Variants in TRRAP observed in about 807,000 individuals in gnomAD.
TRRAP encodes the protein transformation/transcription domain associated protein, also known as transformation/transcription domain-associated protein.
Under a neutral mutation model 438.8 loss-of-function variants are expected in TRRAP, and 41 were observed. The observed-to-expected ratio is 0.09, with a 90% confidence interval of 0.07 to 0.12. TRRAP has a LOEUF of 0.12. Among genes scored for constraint, TRRAP ranks in the 10% least tolerant of loss-of-function variants. The pLI is 1.00. For missense variants in TRRAP, 3,122 were observed against 5,055.1 expected (o/e 0.62, Z 11.60); for synonymous variants, 1,994 against 1,962.9 (o/e 1.02, Z -0.42).
chr7:98,900,375 G>T (rs1057025376), intron 10 of TRRAP, among the ~76,000 whole-genome samples: 2 of 152,174 alleles, frequency 1.3e-5, no homozygotes, highest in African/African-American at 4.8e-5. Context: ...GAACGGCCTG[G>T]CACTGGCTTT....
intron 30 of TRRAP, among the ~76,000 whole-genome samples, chr7:98,940,932 G>A (rs1199350337): frequency 1.3e-5 from 2 of 152,176 alleles, no homozygotes; most frequent in Non-Finnish European, 2.9e-5. Context: ...GCCATCAGCA[G>A]AATTTTAAGA....
intron 6 of TRRAP, 57 bp from the exon 7 acceptor site, chr7:98,895,707 A>T: frequency 7.1e-7 from 1 of 1,407,354 alleles, no homozygotes; most frequent in Non-Finnish European, 9.7e-7. Flanking sequence ...CTTATTTATT[A>T]TGGGTATTTT....
chr7:98,946,144 A>G (rs1436753159), intron 33 of TRRAP, among the ~76,000 whole-genome samples, 194 bp downstream of exon 33: 8 of 152,154 alleles, frequency 5.3e-5, no homozygotes, highest in African/African-American at 4.8e-5. Context: ...CATGTTTTCT[A>G]TTAGGATGTT....
Position 98,959,424 on chromosome 7 carries a change from G to A in TRRAP, c.6423G>A (p.Leu2141=). The A allele has an allele frequency of 6.2e-7, 1 of 1,614,058 alleles. No homozygotes were observed. Among genetic ancestry groups the A allele is most frequent in the Admixed American group, 1.7e-5 (1 of 60,012 alleles). Reference sequence around the variant, plus strand: ...GTGTGAACCTTCTGAAGACTGCGTTGCGGCCAGACATGTGGCCCAAGTCCG... The same window carrying A: ...GTGTGAACCTTCTGAAGACTGCGTTACGGCCAGACATGTGGCCCAAGTCCG... The part of the protein sequence containing the change: ...RRCVNLLKTA[L]RPDMWPKSEL... Residue 2141 remains leucine (L), a synonymous_variant, in exon 45 of 73, where the codon TTG becomes TTA. Coordinates refer to ENST00000456197, the MANE Select transcript of TRRAP (RefSeq NM_001375524.1).
At chr7:98,958,962 T>C (rs905505551) in intron 44 of TRRAP, among the ~76,000 whole-genome samples, 1 of 152,226 alleles carries the variant, frequency 6.6e-6, no homozygotes, top group African/African-American at 2.4e-5. Context: ...TAAGTTCTTA[T>C]TCCTGTTAAA....
Position 98,910,619 on chromosome 7 carries a change from C to T in TRRAP, c.1812+12C>T, listed in dbSNP as rs1406306557. 3.1e-6 allele frequency: 5 copies of T among 1,602,124 alleles called. No individual in the cohort carries two copies. The highest frequency in any genetic ancestry group is 3.4e-6 in the Non-Finnish European group (4 of 1,174,436). On this transcript the variant is annotated intron_variant, in intron 16 of 72. Coordinates refer to ENST00000456197, the MANE Select transcript of TRRAP (RefSeq NM_001375524.1). The stretch of plus-strand genomic sequence containing the variant: ...TAGATATTTATCAGGTAAGGAAGTG[C>T]CCTCCAGCCAGGCTTTCGCATATGG...
chr7:98,989,681 T>C (rs1369977457), intron 63 of TRRAP, among the ~76,000 whole-genome samples: 1 of 152,240 alleles, frequency 6.6e-6, no homozygotes, highest in Non-Finnish European at 1.5e-5. Flanking sequence ...CTTCAGTGCC[T>C]GGCTCCGGGT....
At chr7:98,955,945 G>A (rs950370616) in intron 41 of TRRAP, among the ~76,000 whole-genome samples, 3 of 152,118 alleles carry the variant, frequency 2.0e-5, no homozygotes, top group Non-Finnish European at 2.9e-5. Context: ...GGGTGGGGGA[G>A]GGTGATAAAC....
chr7:98,955,942 G>A (rs552555732), intron 41 of TRRAP, among the ~76,000 whole-genome samples: 11 of 152,280 alleles, frequency 7.2e-5, no homozygotes, highest in East Asian at 1.9e-4. Context: ...TTGGGGTGGG[G>A]GAGGGTGATA....
intron 33 of TRRAP, among the ~76,000 whole-genome samples, chr7:98,946,380 C>T (rs77046883): frequency 6.6e-6 from 1 of 152,122 alleles, no homozygotes; most frequent in African/African-American, 2.4e-5. Flanking sequence ...GTCCCACTCA[C>T]CCACCCAGTC....
intron 58 of TRRAP, among the ~76,000 whole-genome samples, chr7:98,980,019 A>G (rs1020692020): frequency 1.3e-5 from 2 of 152,208 alleles, no homozygotes; most frequent in East Asian, 1.9e-4. Context: ...GCAAAAATCT[A>G]TCTCAACTAA....
rs2116484366 is a variant in TRRAP at position 98,925,005 on chromosome 7, A to C, written c.2824-107A>C. On this transcript the variant is annotated intron_variant, in intron 21 of 72. Transcript: ENST00000456197. ...AGGCGACAGAGCGAGACTCCGTCTC[A>C]AAAAAAAAAAAAGATTCTTCTGGGT... The C allele has an allele frequency of 2.1e-5, 7 of 331,710 alleles. No homozygotes were observed. In the South Asian group the frequency reaches 5.9e-4, roughly 28 times the overall value. 20.5% of individuals were successfully genotyped at this position (331,710 alleles called of 1,614,324 possible).
At chr7:98,940,277 C>T (rs782055376) in intron 30 of TRRAP, among the ~76,000 whole-genome samples, 14 of 152,140 alleles carry the variant, frequency 9.2e-5, no homozygotes, top group Middle Eastern at 6.8e-3. Flanking sequence ...GAACCTCTGC[C>T]ACCTGGGCTC....
intron 13 of TRRAP, among the ~76,000 whole-genome samples, chr7:98,907,200 G>A (rs931797054): frequency 4.8e-4 from 73 of 152,028 alleles, no homozygotes; most frequent in Non-Finnish European, 4.9e-4. Context: ...GCGCGTGCCT[G>A]TAATCCCAAC....
At chr7:98,930,932 A>G in intron 25 of TRRAP, 102 bp downstream of exon 25, 15 of 1,437,410 alleles carry the variant, frequency 1.0e-5, no homozygotes, top group African/African-American at 1.4e-5. Flanking sequence ...TCCTAGCAGC[A>G]TGGTGACTTT....
At chr7:98,922,721 A>T (rs1789857436) in intron 21 of TRRAP, among the ~76,000 whole-genome samples, 1 of 151,960 alleles carries the variant, frequency 6.6e-6, no homozygotes, top group South Asian at 2.1e-4. Flanking sequence ...TGAGTTGGGC[A>T]TTTCAGTAAG....
intron 8 of TRRAP, 34 bp from the exon 9 acceptor site, chr7:98,899,388 G>A: frequency 6.2e-7 from 1 of 1,605,720 alleles, no homozygotes; most frequent in Non-Finnish European, 8.5e-7. Context: ...ATGCCACAAT[G>A]GTAACCCGGG....
chr7:98,917,823 T>C (rs782197200), intron 20 of TRRAP, 144 bp downstream of exon 20: 9 of 1,221,934 alleles, frequency 7.4e-6, no homozygotes, highest in South Asian at 1.6e-5. Context: ...TTCTGGTGGA[T>C]TGAAATATGT....
intron 61 of TRRAP, among the ~76,000 whole-genome samples, chr7:98,984,689 C>T (rs1053867922): frequency 2.6e-5 from 4 of 152,032 alleles, no homozygotes; most frequent in Admixed American, 1.3e-4. Flanking sequence ...ACAATAAAAC[C>T]GACCAGACCT....
Sources: gnomAD v4.1 joint callset for allele counts (sites outside exome capture counted in the v4.1 genomes callset) on GRCh38, gnomAD v4.1.1 for gene constraint, MANE v1.5 for transcripts, NCBI Gene and HGNC (gene_info 2026-07-23, HGNC 2026-07-21) for gene names.